Variants in DNAJC1 observed in about 807,000 individuals in gnomAD.
The protein encoded by DNAJC1 is dnaJ homolog subfamily C member 1.
Under a neutral mutation model 76.6 loss-of-function variants are expected in DNAJC1, and 58 were observed. The ratio of observed to expected loss-of-function variants is 0.76; its 90% confidence interval spans 0.61 to 0.94. The LOEUF (loss-of-function observed/expected upper bound fraction) is 0.94. Among genes scored for constraint, DNAJC1 ranks in the 40% least tolerant of loss-of-function variants. DNAJC1 has a pLI of 0.00. For synonymous variants in DNAJC1, 258 were observed against 267.9 expected (o/e 0.96, Z 0.36); for missense variants, 689 against 677.3 (o/e 1.02, Z -0.19).
intron 8 of DNAJC1, among the ~76,000 whole-genome samples, chr10:21,856,156 G>A (rs968906180): frequency 6.6e-6 from 1 of 151,976 alleles, no homozygotes; most frequent in Non-Finnish European, 1.5e-5. Flanking sequence ...TGTTTTGAAA[G>A]GTAAAGAAAC....
chr10:21,764,637 T>C (rs1399857616), intron 10 of DNAJC1, among the ~76,000 whole-genome samples: 1 of 152,250 alleles, frequency 6.6e-6, no homozygotes, highest in Non-Finnish European at 1.5e-5. Context: ...CACAGCTTTA[T>C]GGCTTAAATG....
chr10:21,823,516 A>G (rs1287631831), intron 8 of DNAJC1, among the ~76,000 whole-genome samples: 1 of 151,906 alleles, frequency 6.6e-6, no homozygotes, highest in Non-Finnish European at 1.5e-5. Context: ...TAATCTCAAT[A>G]AAAAGTTATT....
chr10:21,819,474 A>G (rs1430350717), intron 8 of DNAJC1, among the ~76,000 whole-genome samples: 3 of 152,216 alleles, frequency 2.0e-5, no homozygotes, highest in Non-Finnish European at 4.4e-5. Flanking sequence ...TCAAAATTTT[A>G]AAATGTATTG....
chr10:21,854,201 C>T (rs1165545095), intron 8 of DNAJC1, among the ~76,000 whole-genome samples: 1 of 151,898 alleles, frequency 6.6e-6, no homozygotes, highest in African/African-American at 2.4e-5. Flanking sequence ...AGAATTATAT[C>T]TCAATTCTTC....
intron 9 of DNAJC1, among the ~76,000 whole-genome samples, chr10:21,802,939 T>C (rs1438245616): frequency 1.3e-5 from 2 of 152,108 alleles, no homozygotes; most frequent in African/African-American, 4.8e-5. Flanking sequence ...ATATCAACAT[T>C]TAAAATATTT....
intron 8 of DNAJC1, among the ~76,000 whole-genome samples, chr10:21,850,147 G>A (rs758647726): frequency 2.0e-5 from 3 of 151,984 alleles, no homozygotes; most frequent in Non-Finnish European, 4.4e-5. Context: ...GAGAAATAAT[G>A]GACATCTGAA....
At chr10:21,956,681 C>T (rs1351255240) in intron 1 of DNAJC1, among the ~76,000 whole-genome samples, 5 of 151,298 alleles carry the variant, frequency 3.3e-5, no homozygotes, top group Non-Finnish European at 7.4e-5. Flanking sequence ...AATTTTTTGC[C>T]TGGATCATTA....
At chr10:21,760,946 G>C (rs1406169403) in intron 10 of DNAJC1, among the ~76,000 whole-genome samples, 1 of 152,218 alleles carries the variant, frequency 6.6e-6, no homozygotes, top group Non-Finnish European at 1.5e-5. Flanking sequence ...GGGAGGCCAA[G>C]GCAAGGTGGA....
intron 9 of DNAJC1, among the ~76,000 whole-genome samples, chr10:21,780,740 T>C (rs1834517815): frequency 6.6e-6 from 1 of 152,126 alleles, no homozygotes; most frequent in African/African-American, 2.4e-5. Flanking sequence ...GATTCACACA[T>C]AACAATATTA....
chr10:21,952,297 C>T (rs1590064250), intron 1 of DNAJC1, among the ~76,000 whole-genome samples: 1 of 152,234 alleles, frequency 6.6e-6, no homozygotes, highest in Non-Finnish European at 1.5e-5. Context: ...ATGTCAATTT[C>T]AAACCAAAGA....
intron 1 of DNAJC1, among the ~76,000 whole-genome samples, chr10:21,954,775 A>T (rs1260003609): frequency 6.6e-6 from 1 of 152,192 alleles, no homozygotes; most frequent in African/African-American, 2.4e-5. Flanking sequence ...TGTATTAAAC[A>T]GCCTCTCAAC....
At position 21,756,559 on chromosome 10, in the gene DNAJC1, T is replaced by G. The variant is rs777835496; in HGVS notation, c.*128A>C. On this transcript the variant is annotated 3_prime_UTR_variant, in exon 12 of 12. Coordinates refer to ENST00000376980, the MANE Select transcript of DNAJC1 (RefSeq NM_022365.4). ...GTATAGCACAACACTCATCTTTTAT[T>G]TATTTATTATTTTTTTTTACTAAGG... The G allele has an allele frequency of 1.5e-6, 1 of 659,478 alleles. No homozygotes were observed. Among genetic ancestry groups the G allele is most frequent in the Admixed American group, 2.5e-5 (1 of 39,648 alleles). The allele number at this position is 659,478 out of a possible 1,614,324, so 40.9% of individuals were successfully genotyped here. A position where few individuals can be genotyped will look rare whatever the true frequency, so the allele number is the denominator to read the frequency against.
intron 1 of DNAJC1, among the ~76,000 whole-genome samples, chr10:21,960,146 A>T (rs1449286900): frequency 6.6e-6 from 1 of 152,194 alleles, no homozygotes; most frequent in East Asian, 1.9e-4. Context: ...AAAACAAAAA[A>T]CAGATGCAGT....
At chr10:21,811,507 G>A (rs1413286197) in intron 8 of DNAJC1, among the ~76,000 whole-genome samples, 2 of 152,200 alleles carry the variant, frequency 1.3e-5, no homozygotes, top group African/African-American at 4.8e-5. Context: ...CTATCAGTGT[G>A]AGAGTTGTGT....
chr10:21,986,078 T>A lies in DNAJC1; in HGVS notation c.222+17135A>T, dbSNP rs570897068. The stretch of plus-strand genomic sequence containing the variant: ...CTGTCTCTACTAAAAATACAAAAAA[T>A]TAGCCGGGTGTGGTGGCGGGTGCCT... On this transcript the variant is annotated intron_variant, in intron 1 of 11. Coordinates refer to ENST00000376980, the MANE Select transcript of DNAJC1 (RefSeq NM_022365.4). 1.8e-3 allele frequency among the ~76,000 whole-genome samples: 277 copies of A among 152,168 alleles called. 2 individuals carry two copies. The highest frequency in any genetic ancestry group is 0.01 in the Middle Eastern group (3 of 294).
intron 6 of DNAJC1, among the ~76,000 whole-genome samples, chr10:21,918,104 T>C (rs1405240822): frequency 6.6e-6 from 1 of 151,996 alleles, no homozygotes; most frequent in Non-Finnish European, 1.5e-5. Flanking sequence ...TTCAAATATT[T>C]ATGTGTTGGG....
chr10:21,854,286 A>T (rs147202704), intron 8 of DNAJC1, among the ~76,000 whole-genome samples: 69 of 151,556 alleles, frequency 4.6e-4, no homozygotes, highest in African/African-American at 1.7e-3. Flanking sequence ...TAAATCCTAT[A>T]CTATACAATA....
intron 8 of DNAJC1, among the ~76,000 whole-genome samples, chr10:21,847,137 G>C (rs1336076085): frequency 6.6e-6 from 1 of 151,978 alleles, no homozygotes; most frequent in Non-Finnish European, 1.5e-5. Flanking sequence ...GTGTCACTTT[G>C]CATCTATGCA....
intron 6 of DNAJC1, 123 bp downstream of exon 6, chr10:21,918,656 C>T (rs965194257): frequency 3.2e-6 from 2 of 626,990 alleles, no homozygotes; most frequent in Admixed American, 6.0e-5. Flanking sequence ...AAAAATCCTA[C>T]TCAATCAACA....
Sources: allele counts gnomAD v4.1 joint callset (sites outside exome capture counted in the v4.1 genomes callset), GRCh38; gene constraint gnomAD v4.1.1; transcripts MANE v1.5; gene names NCBI Gene and HGNC (gene_info 2026-07-23, HGNC 2026-07-21).